Variants in CSMD3 observed in about 807,000 individuals in gnomAD.
CSMD3 encodes CUB and sushi domain-containing protein 3.
A neutral mutation model predicts 435.2 loss-of-function variants in CSMD3; 177 were observed. The ratio of observed to expected loss-of-function variants is 0.41; its 90% CI spans 0.36 to 0.46. The LOEUF (loss-of-function observed/expected upper bound fraction) is 0.46. Among genes scored for constraint, CSMD3 ranks in the 20% least tolerant of loss-of-function variants. The pLI is 0.34. For synonymous variants in CSMD3, 1,656 were observed against 1,520.5 expected (o/e 1.09, Z -2.07); for missense variants, 4,265 against 4,504.6 (o/e 0.95, Z 1.52).
intron 26 of CSMD3, 101 bp from the exon 27 acceptor site, chr8:112,550,974 T>G: frequency 2.5e-6 from 2 of 787,518 alleles, no homozygotes. Flanking sequence ...GATAGTTCTT[T>G]TTTGCTATGT....
chr8:112,659,578 A>G (rs2075332689), intron 17 of CSMD3, among the ~76,000 whole-genome samples: 1 of 152,288 alleles, frequency 6.6e-6, no homozygotes, highest in South Asian at 2.1e-4. Flanking sequence ...TGAGGATAGG[A>G]AAAGGAACCG....
At chr8:112,819,643 A>G (rs2132427591) in intron 12 of CSMD3, among the ~76,000 whole-genome samples, 1 of 152,300 alleles carries the variant, frequency 6.6e-6, no homozygotes, top group South Asian at 2.1e-4. Context: ...AGAGAAGTAT[A>G]ATTTTGTTTC....
intron 66 of CSMD3, among the ~76,000 whole-genome samples, chr8:112,240,716 C>T (rs565453839): frequency 6.6e-6 from 1 of 152,116 alleles, no homozygotes; most frequent in African/African-American, 2.4e-5. Context: ...GGCTCTGTGT[C>T]CCCACCCAAA....
chr8:113,015,456 A>G (rs2086419847), intron 6 of CSMD3, among the ~76,000 whole-genome samples: 1 of 152,026 alleles, frequency 6.6e-6, no homozygotes, highest in African/African-American at 2.4e-5. Flanking sequence ...AAATATAAAA[A>G]TCAAATTGTG....
chr8:112,684,081 C>T (rs1225613246), intron 15 of CSMD3, among the ~76,000 whole-genome samples: 1 of 151,518 alleles, frequency 6.6e-6, no homozygotes, highest in African/African-American at 2.4e-5. Flanking sequence ...AGAACAGAAC[C>T]AGGAAAAGGG....
intron 3 of CSMD3, among the ~76,000 whole-genome samples, chr8:113,266,207 A>G (rs1203312781): frequency 2.7e-5 from 4 of 150,806 alleles, no homozygotes; most frequent in Non-Finnish European, 5.9e-5. Context: ...AACTAAAGTA[A>G]TTTAATGCTC....
intron 1 of CSMD3, among the ~76,000 whole-genome samples, chr8:113,384,786 C>T (rs917971860): frequency 2.8e-4 from 42 of 152,248 alleles, no homozygotes; most frequent in Non-Finnish European, 3.7e-4. Flanking sequence ...TTTCTCTCCT[C>T]CTTTTTCTTT....
At chr8:113,109,643 C>G (rs947628021) in intron 4 of CSMD3, among the ~76,000 whole-genome samples, 1 of 152,152 alleles carries the variant, frequency 6.6e-6, no homozygotes, top group Non-Finnish European at 1.5e-5. Context: ...GCCTTGCTCC[C>G]GTGACAGTTC....
intron 5 of CSMD3, among the ~76,000 whole-genome samples, chr8:113,059,991 A>AT (rs1326335424): frequency 2.1e-4 from 19 of 88,724 alleles, no homozygotes; most frequent in South Asian, 8.4e-4. Flanking sequence ...ATTTTTATTT[A>AT]TTTATTTTTT....
At chr8:112,799,459 T>C (rs928379846) in intron 13 of CSMD3, among the ~76,000 whole-genome samples, 1 of 151,992 alleles carries the variant, frequency 6.6e-6, no homozygotes. Flanking sequence ...ATTTTTGTTT[T>C]TAAAAAATAG....
intron 49 of CSMD3, 45 bp downstream of exon 49, chr8:112,313,861 G>A (rs777241900): frequency 3.4e-5 from 49 of 1,458,822 alleles, no homozygotes; most frequent in East Asian, 9.1e-5. Flanking sequence ...TAATCATACC[G>A]AAGATGATAG....
intron 3 of CSMD3, among the ~76,000 whole-genome samples, chr8:113,216,354 A>T (rs2092905436): frequency 6.6e-6 from 1 of 151,846 alleles, no homozygotes. Context: ...GTTTATTTTC[A>T]TATGGGCATT....
chr8:112,917,295 T>C (rs889853051), intron 10 of CSMD3, among the ~76,000 whole-genome samples: 22 of 151,932 alleles, frequency 1.4e-4, no homozygotes, highest in African/African-American at 4.6e-4. Context: ...AAATGCTATA[T>C]TGTGTGGCAA....
chr8:112,973,631 AAGTCTTAGAAGATAGTTTCAT>A (rs1269208357), intron 7 of CSMD3, among the ~76,000 whole-genome samples: 37 of 151,934 alleles, frequency 2.4e-4, no homozygotes, highest in Admixed American at 5.2e-4. Context: ...GCTGGTAATC[AAGTCTTAGAAGATAGTTTCAT>A]AACTAAGAGC....
At chr8:112,959,972 G>T (rs2084167417) in intron 7 of CSMD3, among the ~76,000 whole-genome samples, 2 of 151,960 alleles carry the variant, frequency 1.3e-5, no homozygotes, top group Middle Eastern at 3.4e-3. Flanking sequence ...TTTCTATTCA[G>T]TTCTAAGAGA....
chr8:113,250,876 C>T (rs781495889), intron 3 of CSMD3, among the ~76,000 whole-genome samples: 1 of 151,492 alleles, frequency 6.6e-6, no homozygotes, highest in Admixed American at 6.6e-5. Flanking sequence ...CTAGCCAGCG[C>T]GGAAGACAGC....
intron 9 of CSMD3, among the ~76,000 whole-genome samples, chr8:112,929,719 T>TA (rs2083043621): frequency 6.6e-6 from 1 of 151,978 alleles, no homozygotes; most frequent in Non-Finnish European, 1.5e-5. Flanking sequence ...CTTTGATAGA[T>TA]AAAAGGCAAT....
intron 1 of CSMD3, among the ~76,000 whole-genome samples, chr8:113,404,620 A>C (rs1273128790): frequency 6.6e-6 from 1 of 151,358 alleles, no homozygotes. Context: ...ATATATGTTC[A>C]TTCACTCATC....
intron 13 of CSMD3, among the ~76,000 whole-genome samples, chr8:112,774,767 A>G (rs1041823150): frequency 1.3e-5 from 2 of 152,010 alleles, no homozygotes; most frequent in Non-Finnish European, 2.9e-5. Flanking sequence ...AAGGGCTTCT[A>G]TCTTTTCTGT....
Sources: allele counts gnomAD v4.1 joint callset (sites outside exome capture counted in the v4.1 genomes callset), GRCh38; gene constraint gnomAD v4.1.1; transcripts MANE v1.5; gene names NCBI Gene and HGNC (gene_info 2026-07-23, HGNC 2026-07-21).